Variants in GIGYF2 observed in about 807,000 individuals in gnomAD.
The protein encoded by GIGYF2 is GRB10-interacting GYF protein 2.
Under a neutral mutation model 208.1 loss-of-function variants are expected in GIGYF2, and 25 were observed. The ratio of observed to expected loss-of-function variants is 0.12; its 90% confidence interval spans 0.09 to 0.17. GIGYF2 has a LOEUF of 0.17. Ranked by LOEUF, GIGYF2 falls within the 10% of genes least tolerant of loss-of-function variation. The pLI, the probability that GIGYF2 is intolerant of heterozygous loss-of-function variation, is 1.00. For synonymous variants in GIGYF2, 534 were observed against 543.8 expected (o/e 0.98, Z 0.25); for missense variants, 1,302 against 1,579.4 (o/e 0.82, Z 2.98).
intron 12 of GIGYF2, 126 bp from the exon 13 acceptor site, chr2:232,794,622 C>G: frequency 3.9e-6 from 3 of 766,212 alleles, no homozygotes; most frequent in Non-Finnish European, 7.0e-6. Flanking sequence ...AGTAGCTTCA[C>G]TGTTCATGAC....
Position 232,791,325 on chromosome 2 carries a change from G to T in GIGYF2, c.1161G>T (p.Gln387His). 1 of 1,614,002 alleles carries T rather than the reference G, an allele frequency of 6.2e-7. No homozygotes were observed. Among genetic ancestry groups the T allele is most frequent in the Non-Finnish European group, 8.5e-7 (1 of 1,179,902 alleles). The change falls in exon 12 of 29, where the codon CAG (glutamine) becomes CAT (histidine). Residue 387 changes from glutamine (Q) to histidine (H), a missense_variant. By Grantham distance (24) the Gln-to-His change is conservative (BLOSUM62 0). Transcript: ENST00000373563. ...GACCAGGTACTCCTTCAGACCATCA[G>T]TCTCAGGAAGCATCACAGTTTGAGA... ...SARPGTPSDH[Q>H]SQEASQFERK...
intron 18 of GIGYF2, among the ~76,000 whole-genome samples, chr2:232,814,751 C>T (rs1037424798): frequency 6.6e-6 from 1 of 152,142 alleles, no homozygotes; most frequent in East Asian, 1.9e-4. Flanking sequence ...AATGGATCCA[C>T]AACCTGTATT....
At chr2:232,707,969 A>T (rs910696436) in intron 2 of GIGYF2, among the ~76,000 whole-genome samples, 1 of 151,202 alleles carries the variant, frequency 6.6e-6, no homozygotes, top group Non-Finnish European at 1.5e-5. Context: ...ATTAAAAAAA[A>T]TATTTTTTTT....
intron 28 of GIGYF2, among the ~76,000 whole-genome samples, chr2:232,854,298 G>GC (rs1298959778): frequency 1.3e-5 from 2 of 152,206 alleles, no homozygotes; most frequent in African/African-American, 4.8e-5. Context: ...TTGGGGACCA[G>GC]CCTGGGCTAC....
chr2:232,746,784 T>G (rs1447063231), intron 3 of GIGYF2, among the ~76,000 whole-genome samples: 1 of 152,188 alleles, frequency 6.6e-6, no homozygotes, highest in African/African-American at 2.4e-5. Context: ...TTGCTTTTAT[T>G]AAAAACGTTG....
chr2:232,818,577 A>G (rs1009824748), intron 20 of GIGYF2, among the ~76,000 whole-genome samples: 8 of 152,080 alleles, frequency 5.3e-5, no homozygotes, highest in African/African-American at 1.4e-4. Flanking sequence ...TCAAAAATCA[A>G]TTGAGTATAA....
intron 8 of GIGYF2, among the ~76,000 whole-genome samples, chr2:232,785,682 G>A (rs934199272): frequency 2.0e-5 from 3 of 152,186 alleles, no homozygotes; most frequent in African/African-American, 7.2e-5. Context: ...TAAGAAAGCA[G>A]CAGATCATGT....
chr2:232,742,722 A>T (rs1220521277), intron 3 of GIGYF2, among the ~76,000 whole-genome samples: 1 of 152,168 alleles, frequency 6.6e-6, no homozygotes, highest in East Asian at 1.9e-4. Context: ...CTAATAGGAC[A>T]TGGTAATTGG....
chr2:232,806,462 G>A lies in GIGYF2; in HGVS notation c.1640-29G>A, dbSNP rs770591039. On this transcript the variant is annotated intron_variant, in intron 14 of 28. Coordinates refer to ENST00000373563, the MANE Select transcript of GIGYF2 (RefSeq NM_001103146.3). This position sits in a 1 kb window ranked among gnomAD's most constrained non-coding sequence, Gnocchi z 4.0. ...CTTTGAGTCTGAAAGGTTTCTTATT[G>A]TCTTTCTGTTTAATTGGTGCTGTTA... 1 of 1,499,010 alleles carries A rather than the reference G, an allele frequency of 6.7e-7. No individual in the cohort carries two copies. Among genetic ancestry groups the A allele is most frequent in the African/African-American group, 1.4e-5 (1 of 72,762 alleles). The allele number at this position is 1,499,010 out of a possible 1,614,324, so 92.9% of individuals were successfully genotyped here.
At chr2:232,797,274 T>C (rs756211009) in intron 14 of GIGYF2, among the ~76,000 whole-genome samples, 5 of 152,166 alleles carry the variant, frequency 3.3e-5, no homozygotes, top group Admixed American at 1.3e-4. Flanking sequence ...ATCTATCCTG[T>C]TACCCTGAAA....
intron 2 of GIGYF2, among the ~76,000 whole-genome samples, chr2:232,723,640 A>G (rs1697045166): frequency 6.7e-6 from 1 of 150,310 alleles, no homozygotes; most frequent in South Asian, 2.1e-4. Context: ...CATATTGGCC[A>G]GGCTGGTCTT....
intron 21 of GIGYF2, among the ~76,000 whole-genome samples, chr2:232,826,660 T>C (rs1298843862): frequency 6.6e-6 from 1 of 152,106 alleles, no homozygotes; most frequent in African/African-American, 2.4e-5. Context: ...ATATCCAGAA[T>C]CTGCAAAGAA....
chr2:232,776,466 C>T (rs1699517839), intron 8 of GIGYF2: 3 of 1,588,660 alleles, frequency 1.9e-6, no homozygotes, highest in African/African-American at 2.7e-5. Flanking sequence ...CTGGGTCAGC[C>T]TTTATGCCAA....
rs1043893171 is a variant in GIGYF2, at chr2:232,815,516, CAG to C, written c.2108-119_2108-118del. ...CAGTTCAGTCTTCTCAGAGGCAAAA[CAG>C]ATGTGTTTGGTGGAGCTCATTTAGG... On this transcript the variant is annotated intron_variant, in intron 18 of 28. Coordinates refer to ENST00000373563, the MANE Select transcript of GIGYF2 (RefSeq NM_001103146.3). The C allele has an allele frequency of 7.7e-5, 55 of 713,498 alleles. 1 individual carries two copies. The African/African-American group carries it at 7.9e-4, about 10-fold the overall frequency. 44.2% of individuals were successfully genotyped at this position (713,498 alleles called of 1,614,324 possible). A position where few individuals can be genotyped will look rare whatever the true frequency, so the allele number is the denominator to read the frequency against.
In GIGYF2 at chr2:232,794,622, C is replaced by T. The variant is rs1017283839; in HGVS notation, c.1283-126C>T. ...ACGTTTCTCCATAGAAGTAGCTTCA[C>T]TGTTCATGACAGGGCTCACGTTTTC... On this transcript the variant is annotated intron_variant, in intron 12 of 28. Transcript: ENST00000373563. The T allele has an allele frequency of 9.1e-6, 7 of 766,094 alleles. No individual in the cohort carries two copies. In the African/African-American group the frequency reaches 1.0e-4, roughly 11 times the overall value. 47.5% of individuals were successfully genotyped at this position (766,094 alleles called of 1,614,324 possible). A position where few individuals can be genotyped will look rare whatever the true frequency, so the allele number is the denominator to read the frequency against.
At chr2:232,699,684 T>C (rs913953687) in intron 1 of GIGYF2, among the ~76,000 whole-genome samples, 4 of 152,248 alleles carry the variant, frequency 2.6e-5, no homozygotes, top group Non-Finnish European at 5.9e-5. Flanking sequence ...TTTGAAAATG[T>C]AGGGAAATTA....
chr2:232,770,966 T>C, intron 8 of GIGYF2: 1 of 1,614,080 alleles, frequency 6.2e-7, no homozygotes, highest in Non-Finnish European at 8.5e-7. Flanking sequence ...GCGATTGCAC[T>C]TGGACAGTCA....
chr2:232,776,169 A>G (rs570125560), intron 8 of GIGYF2, among the ~76,000 whole-genome samples: 2 of 152,226 alleles, frequency 1.3e-5, no homozygotes, highest in African/African-American at 4.8e-5. Flanking sequence ...TTTTTTCCTA[A>G]GGCCTTTATC....
intron 8 of GIGYF2, among the ~76,000 whole-genome samples, chr2:232,775,750 GT>G (rs1252797568): frequency 6.6e-6 from 1 of 152,162 alleles, no homozygotes; most frequent in African/African-American, 2.4e-5. Context: ...AAATAGTATA[GT>G]TCATACTGAG....
Sources: gnomAD v4.1 joint callset for allele counts (sites outside exome capture counted in the v4.1 genomes callset) on GRCh38, gnomAD v4.1.1 for gene constraint, Gnocchi (gnomAD v3.1) non-coding constraint, MANE v1.5 for transcripts, NCBI Gene and HGNC (gene_info 2026-07-23, HGNC 2026-07-21) for gene names.